The following CYP2J2 variants were observed in gnomAD, a reference collection of about 807,000 sequenced individuals.
CYP2J2 encodes the protein cytochrome P450 2J2.
A neutral mutation model predicts 48.8 loss-of-function variants in CYP2J2; 41 were observed. That is an observed-to-expected ratio of 0.84 (90% CI 0.66 to 1.09). The LOEUF is 1.09. Ranked by LOEUF, CYP2J2 falls within the 50% of genes least tolerant of loss-of-function variation. The pLI, the probability that CYP2J2 is intolerant of heterozygous loss-of-function variation, is 0.00. For missense variants in CYP2J2, 644 were observed against 617.3 expected (o/e 1.04, Z -0.46); for synonymous variants, 221 against 227.1 (o/e 0.97, Z 0.24).
chr1:59,911,649 G>C lies in CYP2J2; in HGVS notation c.643C>G (p.Leu215Val). The C allele has an allele frequency of 6.2e-7, 1 of 1,613,164 alleles. No individual in the cohort carries two copies. The highest frequency in any genetic ancestry group is 8.5e-7 in the Non-Finnish European group (1 of 1,179,410). ...GCCTCCAAGTATGTGACTTCATCTA[G>C]TAACTTCAGCAGCTGCTGAAACCAA... ...DSWFQQLLKL[L>V]DEVTYLEASK... Residue 215 changes from leucine to valine, a missense_variant, in exon 4 of 9, where the codon CTA (leucine) becomes GTA (valine). Transcript: ENST00000371204.
At chr1:59,909,593 G>T (rs1258118709) in intron 5 of CYP2J2, among the ~76,000 whole-genome samples, 191 bp downstream of exon 5, 1 of 152,156 alleles carries the variant, frequency 6.6e-6, no homozygotes, top group Non-Finnish European at 1.5e-5. Flanking sequence ...AAGAGATCCA[G>T]CCTAGCCAAA....
the CYP2J2 span, among the ~76,000 whole-genome samples, chr1:59,968,349 C>CT: frequency 6.6e-6 from 1 of 152,086 alleles, no homozygotes; most frequent in African/African-American, 2.4e-5. Flanking sequence ...CAAACCCTTG[C>CT]TTTTTCTGTC....
chr1:59,940,388 C>G, the CYP2J2 span, among the ~76,000 whole-genome samples: 1 of 152,154 alleles, frequency 6.6e-6, no homozygotes, highest in East Asian at 1.9e-4. Flanking sequence ...CCTGGAAAGG[C>G]GGTCTCATGA....
At chr1:59,894,504 G>A (rs77511546) in intron 8 of CYP2J2, among the ~76,000 whole-genome samples, 236 of 152,262 alleles carry the variant, frequency 1.5e-3, no homozygotes, top group African/African-American at 5.1e-3. Flanking sequence ...CCCACTCCCT[G>A]TTATGTGTGG....
the CYP2J2 span, among the ~76,000 whole-genome samples, chr1:59,958,592 T>TA: frequency 6.6e-6 from 1 of 152,288 alleles, no homozygotes; most frequent in South Asian, 2.1e-4. Flanking sequence ...GTGCTGCAGT[T>TA]AGTCACCATC....
chr1:59,957,023 C>T, the CYP2J2 span, among the ~76,000 whole-genome samples: 2 of 152,230 alleles, frequency 1.3e-5, no homozygotes, highest in Non-Finnish European at 2.9e-5. Context: ...CTATCCCCAT[C>T]ATGCCTGTTC....
chr1:59,951,623 G>A, the CYP2J2 span, among the ~76,000 whole-genome samples: 6 of 152,124 alleles, frequency 3.9e-5, no homozygotes, highest in Admixed American at 3.9e-4. Context: ...AATACTAAAT[G>A]ACTGGTCATG....
At chr1:59,952,503 T>C in the CYP2J2 span, among the ~76,000 whole-genome samples, 2 of 151,980 alleles carry the variant, frequency 1.3e-5, no homozygotes, top group African/African-American at 4.8e-5. Context: ...TTATCAGGCA[T>C]TGTCTAATTG....
the CYP2J2 span, among the ~76,000 whole-genome samples, chr1:59,957,616 G>A: frequency 2.6e-5 from 4 of 151,804 alleles, no homozygotes; most frequent in African/African-American, 9.7e-5. Flanking sequence ...CCATTTTCAA[G>A]TGCATCCTTC....
At position 59,893,379 on chromosome 1, in the gene CYP2J2, T is replaced by C; in HGVS notation, c.*272A>G. The C allele has an allele frequency of 3.0e-6, 1 of 334,122 alleles. No individual in the cohort carries two copies. Among genetic ancestry groups the C allele is most frequent in the Non-Finnish European group, 5.4e-6 (1 of 185,626 alleles). 20.7% of individuals were successfully genotyped at this position (334,122 alleles called of 1,614,324 possible). A position where few individuals can be genotyped will look rare whatever the true frequency, so the allele number is the denominator to read the frequency against. On this transcript the variant is annotated 3_prime_UTR_variant, in exon 9 of 9. Transcript: ENST00000371204. ...AAAGCTCACCATTTCTTTTGATTCT[T>C]ACAAGAACTTTCTTTATGGAAGGAA...
chr1:59,949,177 A>T, the CYP2J2 span, among the ~76,000 whole-genome samples: 1 of 152,134 alleles, frequency 6.6e-6, no homozygotes, highest in Non-Finnish European at 1.5e-5. Flanking sequence ...TTGATCTCAG[A>T]CCTATTGCAC....
chr1:59,939,257 C>T, the CYP2J2 span, among the ~76,000 whole-genome samples: 3 of 152,126 alleles, frequency 2.0e-5, no homozygotes, highest in African/African-American at 7.2e-5. Flanking sequence ...TCTGAAAAAA[C>T]TTAGATGTTG....
the CYP2J2 span, among the ~76,000 whole-genome samples, chr1:59,937,656 C>A: frequency 6.6e-6 from 1 of 152,086 alleles, no homozygotes; most frequent in African/African-American, 2.4e-5. Context: ...AAAGTTTCTA[C>A]CCCTATCTCT....
intron 5 of CYP2J2, 41 bp downstream of exon 5, chr1:59,909,743 T>C (rs760430266): frequency 6.7e-7 from 1 of 1,483,704 alleles, no homozygotes; most frequent in East Asian, 2.4e-5. Flanking sequence ...CCTCTATTTG[T>C]GCTCTAAGAA....
intron 8 of CYP2J2, among the ~76,000 whole-genome samples, chr1:59,896,807 A>G (rs1644273914): frequency 6.6e-6 from 1 of 152,232 alleles, no homozygotes; most frequent in Non-Finnish European, 1.5e-5. Context: ...CAAAACCATA[A>G]AATGTTTGTA....
intron 8 of CYP2J2, among the ~76,000 whole-genome samples, chr1:59,898,186 A>G (rs1244856762): frequency 6.6e-6 from 1 of 152,198 alleles, no homozygotes; most frequent in Non-Finnish European, 1.5e-5. Context: ...AATTGTAGTA[A>G]TATCCCCTCC....
intron 3 of CYP2J2, 135 bp downstream of exon 3, chr1:59,912,027 C>T: frequency 9.7e-7 from 1 of 1,032,424 alleles, no homozygotes; most frequent in South Asian, 1.8e-5. Flanking sequence ...TCTTTGAGGA[C>T]AGAGTTGTTC....
At chr1:59,945,407 C>CATCTATCT in the CYP2J2 span, among the ~76,000 whole-genome samples, 924 of 148,918 alleles carry the variant, frequency 6.2e-3, 2 homozygotes, top group Non-Finnish European at 8.5e-3. Flanking sequence ...CTCTTTCTGT[C>CATCTATCT]ATCTATCTAT....
chr1:59,936,435 G>A, the CYP2J2 span, among the ~76,000 whole-genome samples: 2,223 of 152,052 alleles, frequency 0.015, 65 homozygotes, highest in African/African-American at 0.051. Context: ...TTGCTCTTCC[G>A]CCTAGCCCTC....
Sources: gnomAD v4.1 joint callset for allele counts (sites outside exome capture counted in the v4.1 genomes callset) on GRCh38, gnomAD v4.1.1 for gene constraint, MANE v1.5 for transcripts, NCBI Gene and HGNC (gene_info 2026-07-23, HGNC 2026-07-21) for gene names.